SHROOM3: variants seen among roughly 807,000 people sequenced by gnomAD.
SHROOM3 encodes the protein protein Shroom3.
SHROOM3 carries 47 observed loss-of-function variants against 138.6 expected under a neutral mutation model. The observed-to-expected ratio is 0.34, with a 90% confidence interval of 0.27 to 0.43. SHROOM3 has a LOEUF of 0.43. SHROOM3 is among the 20% of genes least tolerant of loss of function. The probability of loss-of-function intolerance (pLI) is 1.00; values close to 1 mark genes in which losing one functional copy is unlikely to be tolerated. For missense variants in SHROOM3, 2,491 were observed against 2,596.5 expected (o/e 0.96, Z 0.88); for synonymous variants, 1,062 against 1,063.3 (o/e 1.00, Z 0.02).
At chr4:76,771,248 C>T (rs762758286) in intron 10 of SHROOM3, among the ~76,000 whole-genome samples, 2 of 151,862 alleles carry the variant, frequency 1.3e-5, no homozygotes, top group African/African-American at 2.4e-5. Flanking sequence ...CACCATGGTG[C>T]GTGCTTGTAA....
intron 1 of SHROOM3, among the ~76,000 whole-genome samples, chr4:76,510,676 A>G (rs1732315100): frequency 6.6e-6 from 1 of 152,216 alleles, no homozygotes; most frequent in African/African-American, 2.4e-5. Context: ...ATGGATTTGG[A>G]CAGACTGGCT....
intron 3 of SHROOM3, among the ~76,000 whole-genome samples, chr4:76,725,784 T>C (rs1251638040): frequency 6.6e-6 from 1 of 152,182 alleles, no homozygotes; most frequent in Non-Finnish European, 1.5e-5. Context: ...CTCCATAAGC[T>C]CATACCCTTC....
chr4:76,552,665 T>C (rs1470350194), intron 1 of SHROOM3, among the ~76,000 whole-genome samples: 1 of 151,218 alleles, frequency 6.6e-6, no homozygotes, highest in African/African-American at 2.4e-5. Flanking sequence ...TCTATATATG[T>C]ATGTAGCTAT....
chr4:76,628,175 A>G (rs1338626604), intron 2 of SHROOM3, among the ~76,000 whole-genome samples: 1 of 152,240 alleles, frequency 6.6e-6, no homozygotes, highest in Non-Finnish European at 1.5e-5. Flanking sequence ...TAAAAAAATT[A>G]TAGAGTTAAC....
chr4:76,560,495 A>G (rs978957483), intron 2 of SHROOM3, among the ~76,000 whole-genome samples: 10 of 152,186 alleles, frequency 6.6e-5, no homozygotes, highest in Admixed American at 2.0e-4. Flanking sequence ...CTTAATCCCA[A>G]TTCTGATCTT....
At chr4:76,485,949 G>T (rs998284497) in intron 1 of SHROOM3, among the ~76,000 whole-genome samples, 5 of 152,028 alleles carry the variant, frequency 3.3e-5, no homozygotes, top group African/African-American at 1.2e-4. Flanking sequence ...TCATAGCTTG[G>T]CCATTTCCAT....
At chr4:76,775,731 T>C (rs914739909) in intron 10 of SHROOM3, among the ~76,000 whole-genome samples, 3 of 151,340 alleles carry the variant, frequency 2.0e-5, no homozygotes, top group African/African-American at 7.3e-5. Flanking sequence ...TATACACATA[T>C]ATACACATAC....
In SHROOM3 at chr4:76,688,883, A is replaced by G. The variant is rs750756815; in HGVS notation, c.324-21273A>G. On this transcript the variant is annotated intron_variant, in intron 2 of 10. Coordinates refer to ENST00000296043, the MANE Select transcript of SHROOM3 (RefSeq NM_020859.4). Reference sequence around the variant, plus strand: ...GAAGGCTTCAGCGGCATTCACCACCACCTGCATCTCTGCTGTGACTTACAC... The same window carrying G: ...GAAGGCTTCAGCGGCATTCACCACCGCCTGCATCTCTGCTGTGACTTACAC... 121 of 983,082 alleles carry G rather than the reference A, an allele frequency of 1.2e-4. 1 individual carries two copies. The highest frequency in any genetic ancestry group is 1.4e-4 in the Non-Finnish European group (119 of 829,492). 60.9% of individuals were successfully genotyped at this position (983,082 alleles called of 1,614,324 possible).
rs115386092 is a variant in SHROOM3 at position 76,493,527 on chromosome 4, G to A, written c.168+57307G>A. Among the ~76,000 whole-genome samples, 646 of 152,238 alleles carry A rather than the reference G, an allele frequency of 4.2e-3. 5 individuals carry two copies. The highest frequency in any genetic ancestry group is 0.014 in the African/African-American group (593 of 41,556). ...TTGATAGATATGGTGTCCTGGGAGGGGCTGAGTAGGTTCGGCTAAAGGTGA... is the reference window on the plus strand; with the variant it reads ...TTGATAGATATGGTGTCCTGGGAGGAGCTGAGTAGGTTCGGCTAAAGGTGA... On this transcript the variant is annotated intron_variant, in intron 1 of 10. Coordinates refer to ENST00000296043, the MANE Select transcript of SHROOM3 (RefSeq NM_020859.4).
At chr4:76,659,675 A>G (rs1450920797) in intron 2 of SHROOM3, among the ~76,000 whole-genome samples, 1 of 152,048 alleles carries the variant, frequency 6.6e-6, no homozygotes, top group East Asian at 1.9e-4. Flanking sequence ...TCCGCCTCCC[A>G]GGTTCAAGCG....
chr4:76,549,670 GC>G (rs1733307537), intron 1 of SHROOM3, among the ~76,000 whole-genome samples: 1 of 152,010 alleles, frequency 6.6e-6, no homozygotes, highest in African/African-American at 2.4e-5. Context: ...CCCGGCAGTG[GC>G]TTCAACTTTC....
chr4:76,778,696 A>T, intron 10 of SHROOM3, 113 bp from the exon 11 acceptor site: 3 of 1,437,460 alleles, frequency 2.1e-6, no homozygotes, highest in Non-Finnish European at 2.9e-6. Flanking sequence ...AGGAGTGACA[A>T]TAGGAATAGA....
At chr4:76,756,405 T>TTC (rs11383066) in intron 7 of SHROOM3, 44 bp from the exon 8 acceptor site, 124 of 1,479,962 alleles carry the variant, frequency 8.4e-5, no homozygotes, top group Non-Finnish European at 9.3e-5. Flanking sequence ...CACTCTCTCT[T>TTC]TCTCTCTCTC....
At chr4:76,643,156 G>C (rs1415605315) in intron 2 of SHROOM3, among the ~76,000 whole-genome samples, 1 of 150,376 alleles carries the variant, frequency 6.6e-6, no homozygotes, top group Admixed American at 6.7e-5. Flanking sequence ...GGAGCTTGTG[G>C]TGAGCCGAAA....
At chr4:76,670,393 C>T (rs1177767526) in intron 2 of SHROOM3, among the ~76,000 whole-genome samples, 1 of 151,976 alleles carries the variant, frequency 6.6e-6, no homozygotes, top group African/African-American at 2.4e-5. Flanking sequence ...AAAGGAAAAT[C>T]TATAGAGACA....
intron 2 of SHROOM3, among the ~76,000 whole-genome samples, chr4:76,669,102 C>T (rs889513805): frequency 8.5e-5 from 13 of 152,194 alleles, no homozygotes; most frequent in Admixed American, 3.9e-4. Flanking sequence ...GTGGCATGCT[C>T]ACTCAGCTCT....
chr4:76,711,771 A>G (rs1171456431), intron 3 of SHROOM3, among the ~76,000 whole-genome samples: 1 of 152,124 alleles, frequency 6.6e-6, no homozygotes, highest in Non-Finnish European at 1.5e-5. Context: ...TACATAAAAG[A>G]AATAATGTTA....
chr4:76,541,140 T>A (rs1733089185), intron 1 of SHROOM3, among the ~76,000 whole-genome samples: 1 of 152,172 alleles, frequency 6.6e-6, no homozygotes, highest in South Asian at 2.1e-4. Context: ...TACGTTATAA[T>A]AGATGTTCTA....
At chr4:76,486,859 G>A (rs547481418) in intron 1 of SHROOM3, among the ~76,000 whole-genome samples, 151 of 152,090 alleles carry the variant, frequency 9.9e-4, no homozygotes, top group African/African-American at 3.4e-3. Context: ...TGTGACTTGT[G>A]CTGAGTAACT....
Sources: allele counts gnomAD v4.1 joint callset (sites outside exome capture counted in the v4.1 genomes callset), GRCh38; gene constraint gnomAD v4.1.1; transcripts MANE v1.5; gene names NCBI Gene and HGNC (gene_info 2026-07-23, HGNC 2026-07-21).